METTL22: variants seen among roughly 807,000 people sequenced by gnomAD.
METTL22 encodes methyltransferase 22, Kin17 lysine.
A neutral mutation model predicts 48.4 loss-of-function variants in METTL22; 51 were observed. The observed-to-expected ratio is 1.05, with a 90% confidence interval of 0.84 to 1.33. The LOEUF is 1.33. Among genes scored for constraint, METTL22 ranks in the 40% most tolerant of loss-of-function variants. METTL22 has a pLI of 0.00. For missense variants in METTL22, 678 were observed against 526.9 expected (o/e 1.29, Z -2.81); for synonymous variants, 255 against 214.1 (o/e 1.19, Z -1.67).
At chr16:8,623,924 G>A (rs772494399) in intron 1 of METTL22, 1 of 152,094 alleles carries the variant, frequency 6.6e-6, no homozygotes, top group South Asian at 2.1e-4. Flanking sequence ...GGCAGTCAGG[G>A]GTTACAGGCA....
At chr16:8,636,489 C>T (rs554904192) in intron 5 of METTL22, among the ~76,000 whole-genome samples, 1 of 145,564 alleles carries the variant, frequency 6.9e-6, no homozygotes, top group South Asian at 2.2e-4. Flanking sequence ...CCACTGCACT[C>T]CAGTCTGGGC....
rs1281354947 is a variant in METTL22 at position 8,647,620 on chromosome 16, A to C, written c.*1477A>C. The C allele has an allele frequency of 6.6e-6, 1 of 152,208 alleles. No individual in the cohort carries two copies. Among genetic ancestry groups the C allele is most frequent in the Non-Finnish European group, 1.5e-5 (1 of 68,046 alleles). The allele number at this position is 152,208 out of a possible 1,614,324, so 9.4% of individuals were successfully genotyped here. On this transcript the variant is annotated 3_prime_UTR_variant, in exon 11 of 11. Coordinates refer to ENST00000381920, the MANE Select transcript of METTL22 (RefSeq NM_024109.4). The stretch of plus-strand genomic sequence containing the variant: ...ATCACGGAGCATCCCCCACAACACA[A>C]AATGATCCAGCCCAAAATGTGAGTA...
intron 1 of METTL22, chr16:8,623,659 C>A (rs866283462): frequency 8.5e-5 from 13 of 152,306 alleles, no homozygotes; most frequent in South Asian, 2.1e-4. Context: ...CTTTACAACC[C>A]ACTTGCATTT....
chr16:8,663,022 A>G, the METTL22 span, among the ~76,000 whole-genome samples: 2 of 149,766 alleles, frequency 1.3e-5, no homozygotes, highest in Non-Finnish European at 3.0e-5. Flanking sequence ...AGCCTGGCCA[A>G]CATGGTGAAA....
rs1473154657 is a variant in METTL22 at position 8,648,274 on chromosome 16, C to T, written c.*2131C>T. 3 of 152,278 alleles carry T rather than the reference C, an allele frequency of 2.0e-5. No individual in the cohort carries two copies. Among genetic ancestry groups the T allele is most frequent in the Admixed American group, 1.3e-4 (2 of 15,252 alleles). The allele number at this position is 152,278 out of a possible 1,614,324, so 9.4% of individuals were successfully genotyped here. A position where few individuals can be genotyped will look rare whatever the true frequency, so the allele number is the denominator to read the frequency against. On this transcript the variant is annotated 3_prime_UTR_variant, in exon 11 of 11. Transcript: ENST00000381920. ...CTGGGAGGCGAAGGTTGCAGTGAGCCAAGATCGCAACACTGCCCTCCAGCC... is the reference window on the plus strand; with the variant it reads ...CTGGGAGGCGAAGGTTGCAGTGAGCTAAGATCGCAACACTGCCCTCCAGCC...
At chr16:8,622,454 C>T (rs1252245170) in intron 1 of METTL22, among the ~76,000 whole-genome samples, 1 of 152,114 alleles carries the variant, frequency 6.6e-6, no homozygotes, top group African/African-American at 2.4e-5. Flanking sequence ...GAGCCTGCAG[C>T]CCTATGGAGA....
chr16:8,642,269 T>C, intron 8 of METTL22, 62 bp downstream of exon 8: 2 of 1,437,246 alleles, frequency 1.4e-6, no homozygotes, highest in Non-Finnish European at 2.0e-6. Context: ...AAGTGCAGTC[T>C]CTCCTCACTT....
intron 6 of METTL22, 134 bp downstream of exon 6, chr16:8,639,296 C>A: frequency 1.2e-6 from 1 of 842,716 alleles, no homozygotes. Context: ...GGGGAGCAGG[C>A]GTCGTCTGGG....
At chr16:8,623,120 C>T (rs1408125871) in intron 1 of METTL22, among the ~76,000 whole-genome samples, 1 of 151,918 alleles carries the variant, frequency 6.6e-6, no homozygotes, top group Non-Finnish European at 1.5e-5. Context: ...TCAAGACTAG[C>T]CTGGCCAACA....
intron 3 of METTL22, among the ~76,000 whole-genome samples, chr16:8,632,941 A>C (rs2056311007): frequency 6.6e-6 from 1 of 152,164 alleles, no homozygotes; most frequent in Non-Finnish European, 1.5e-5. Flanking sequence ...CATAGGACCA[A>C]GATCACTATG....
chr16:8,639,248 G>T (rs1358171916), intron 6 of METTL22, 86 bp downstream of exon 6: 3 of 1,325,670 alleles, frequency 2.3e-6, no homozygotes, highest in Non-Finnish European at 3.3e-6. Flanking sequence ...ACATTGGGAG[G>T]CAGGGCTCCG....
rs185667367 is a variant in METTL22 at position 8,645,962 on chromosome 16, C to T, written c.1180-146C>T. 464 of 1,265,696 alleles carry T rather than the reference C, an allele frequency of 3.7e-4. 4 individuals are homozygous for T. The Admixed American group carries it at 0.019, about 52-fold the overall frequency. The allele number at this position is 1,265,696 out of a possible 1,614,324, so 78.4% of individuals were successfully genotyped here. On this transcript the variant is annotated intron_variant, in intron 10 of 10. Transcript: ENST00000381920. ...CAGAGCAACAAAGAAAGGAGGAAGCCGCCCGTCCGCTCCTGCCCCAGCTCG... is the reference window on the plus strand; with the variant it reads ...CAGAGCAACAAAGAAAGGAGGAAGCTGCCCGTCCGCTCCTGCCCCAGCTCG...
intron 4 of METTL22, 25 bp from the exon 5 acceptor site, chr16:8,635,143 T>G: frequency 6.2e-7 from 1 of 1,613,798 alleles, no homozygotes; most frequent in Non-Finnish European, 8.5e-7. Flanking sequence ...ACGCTGCTTG[T>G]CGCTCCTTGT....
At chr16:8,644,456 G>T in intron 9 of METTL22, 101 bp from the exon 10 acceptor site, 1 of 1,205,308 alleles carries the variant, frequency 8.3e-7, no homozygotes, top group Non-Finnish European at 1.2e-6. Flanking sequence ...CCGTCCAGGG[G>T]ATATGAGATC....
intron 5 of METTL22, among the ~76,000 whole-genome samples, chr16:8,638,780 A>G (rs1241021467): frequency 6.6e-6 from 1 of 152,168 alleles, no homozygotes; most frequent in African/African-American, 2.4e-5. Flanking sequence ...GTGGCCATAA[A>G]CATGAAAACG....
At chr16:8,657,820 C>CTTTTTTTTTTT in the METTL22 span, among the ~76,000 whole-genome samples, 58 of 137,298 alleles carry the variant, frequency 4.2e-4, 1 homozygote, top group Middle Eastern at 3.9e-3. Context: ...CTTTTCTTTT[C>CTTTTTTTTTTT]TTTCTTTTTT....
At chr16:8,625,197 T>G (rs970789157) in intron 1 of METTL22, among the ~76,000 whole-genome samples, 3 of 152,126 alleles carry the variant, frequency 2.0e-5, no homozygotes, top group Non-Finnish European at 4.4e-5. Context: ...ATGTCTACAA[T>G]GTACTCTCAG....
chr16:8,656,268 G>A, the METTL22 span, among the ~76,000 whole-genome samples: 128 of 152,284 alleles, frequency 8.4e-4, no homozygotes, highest in African/African-American at 2.9e-3. Flanking sequence ...TAAGAGAAAA[G>A]CATTTTGAAG....
chr16:8,659,481 A>G, the METTL22 span, among the ~76,000 whole-genome samples: 1 of 152,154 alleles, frequency 6.6e-6, no homozygotes, highest in Non-Finnish European at 1.5e-5. Context: ...CACATGCTGG[A>G]TATTTATGAG....
Sources: gnomAD v4.1 joint callset for allele counts (sites outside exome capture counted in the v4.1 genomes callset) on GRCh38, gnomAD v4.1.1 for gene constraint, MANE v1.5 for transcripts, NCBI Gene and HGNC (gene_info 2026-07-23, HGNC 2026-07-21) for gene names.